The following NLGN4X variants were observed in gnomAD, a reference collection of about 807,000 sequenced individuals.
NLGN4X encodes the protein neuroligin-4, X-linked.
In NLGN4X, 3 loss-of-function variants were observed where a neutral mutation model predicts 40.3. The observed-to-expected ratio is 0.07, with a 90% CI of 0.03 to 0.19. NLGN4X has a LOEUF of 0.19. Ranked by LOEUF, NLGN4X falls within the 10% of genes least tolerant of loss-of-function variation. The probability of loss-of-function intolerance (pLI) is 1.00; values close to 1 mark genes in which losing one functional copy is unlikely to be tolerated. For missense variants in NLGN4X, 382 were observed against 708.3 expected, an observed-to-expected ratio of 0.54 and a Z score of 5.23; for synonymous variants, 270 against 306.8, an observed-to-expected ratio of 0.88 and a Z score of 1.25.
chrX:5,898,906 T>A (rs750539125), intron 5 of NLGN4X, among the ~76,000 whole-genome samples: 24 of 111,869 alleles, frequency 2.1e-4, no homozygotes, highest in South Asian at 7.6e-4. Flanking sequence ...GACCAGGGAA[T>A]CCTTCTCTGC....
At chrX:5,930,458 G>T (rs1414192089) in intron 3 of NLGN4X, among the ~76,000 whole-genome samples, 1 of 111,958 alleles carries the variant, frequency 8.9e-6, no homozygotes, top group Non-Finnish European at 1.9e-5. Flanking sequence ...ACCCCAGAAT[G>T]TGCCTTTCAC....
chrX:6,159,255 G>C (rs960427341), intron 1 of NLGN4X, among the ~76,000 whole-genome samples: 2 of 111,667 alleles, frequency 1.8e-5, no homozygotes, highest in African/African-American at 3.3e-5. Context: ...TGAAAGGTAG[G>C]AGAGAGGGAA....
At chrX:6,150,013 A>G (rs1602321667) in intron 2 of NLGN4X, among the ~76,000 whole-genome samples, 1 of 111,090 alleles carries the variant, frequency 9.0e-6, no homozygotes, top group East Asian at 2.8e-4. Flanking sequence ...GAAATTTATC[A>G]CACTTTCCAC....
At chrX:6,126,807 GAATA>G (rs2147603273) in intron 2 of NLGN4X, among the ~76,000 whole-genome samples, 1 of 111,842 alleles carries the variant, frequency 8.9e-6, no homozygotes, top group East Asian at 2.8e-4. Flanking sequence ...GTATATGAAA[GAATA>G]AATTCTACAA....
chrX:6,065,792 CTAAAT>C (rs969881686), intron 2 of NLGN4X, among the ~76,000 whole-genome samples: 1 of 111,400 alleles, frequency 9.0e-6, no homozygotes, highest in African/African-American at 3.3e-5. Context: ...TATTTGGTGC[CTAAAT>C]TTTCCTTCTG....
intron 3 of NLGN4X, among the ~76,000 whole-genome samples, chrX:5,916,697 G>A (rs926072713): frequency 9.0e-6 from 1 of 111,444 alleles, no homozygotes; most frequent in African/African-American, 3.3e-5. Context: ...TGATCCACCC[G>A]CCTCGGCCTC....
chrX:6,011,856 C>G (rs1158302790), intron 3 of NLGN4X, among the ~76,000 whole-genome samples: 1 of 110,920 alleles, frequency 9.0e-6, no homozygotes, highest in Non-Finnish European at 1.9e-5. Context: ...CACCATCTCA[C>G]AAATCTTGGG....
intron 3 of NLGN4X, among the ~76,000 whole-genome samples, chrX:5,946,792 A>C (rs897338498): frequency 5.4e-5 from 6 of 111,065 alleles, no homozygotes; most frequent in Non-Finnish European, 1.1e-4. Context: ...TACTAAGCCA[A>C]GTACTCAATA....
In NLGN4X at chrX:6,205,770, T is replaced by G. The variant is rs180747136; in HGVS notation, c.-306+22771A>C. 3.7e-4 allele frequency among the ~76,000 whole-genome samples: 42 copies of G among 112,275 alleles called. No homozygotes were observed. In the Admixed American group the frequency reaches 3.8e-3, roughly 10 times the overall value. On this transcript the variant is annotated intron_variant, in intron 1 of 5. Transcript: ENST00000381095. ...ATTATCTACCATAAATTACACACTGTGCTTTTAGGATACTACCTGACTTCT... is the reference window on the plus strand; with the variant it reads ...ATTATCTACCATAAATTACACACTGGGCTTTTAGGATACTACCTGACTTCT...
intron 2 of NLGN4X, among the ~76,000 whole-genome samples, chrX:6,037,103 T>C (rs892820604): frequency 9.0e-6 from 1 of 110,674 alleles, no homozygotes; most frequent in Non-Finnish European, 1.9e-5. Context: ...TCAGGAGTTC[T>C]GGAACAGACT....
At chrX:5,990,052 G>A (rs2035637592) in intron 3 of NLGN4X, among the ~76,000 whole-genome samples, 1 of 101,594 alleles carries the variant, frequency 9.8e-6, no homozygotes, top group African/African-American at 3.6e-5. Flanking sequence ...TGGTTGGGGG[G>A]ATTACATATC....
chrX:5,903,909 G>A (rs1234631520), intron 4 of NLGN4X, 43 bp from the exon 5 acceptor site: 2 of 1,197,585 alleles, frequency 1.7e-6, no homozygotes, highest in Middle Eastern at 2.3e-4. Context: ...AAACCCACAG[G>A]ACAGAAATGC....
intron 3 of NLGN4X, among the ~76,000 whole-genome samples, chrX:6,001,216 T>C (rs1206800425): frequency 9.0e-6 from 1 of 111,502 alleles, no homozygotes; most frequent in Non-Finnish European, 1.9e-5. Flanking sequence ...CAGTTCAAGA[T>C]GACATTTGGG....
Position 5,910,546 on chromosome X carries a change from G to A in NLGN4X, c.626-1307C>T, listed in dbSNP as rs748459694. 4.5e-5 allele frequency among the ~76,000 whole-genome samples: 5 copies of A among 111,056 alleles called. No individual in the cohort carries two copies. The East Asian group carries it at 1.1e-3, about 25-fold the overall frequency. On this transcript the variant is annotated intron_variant, in intron 3 of 5. Transcript: ENST00000381095. ...CATCAAACCAATTCCCTCAAAGCAC[G>A]TCCCTAACCAAAGTTGACGGCATTC...
chrX:5,999,855 C>A, intron 3 of NLGN4X, among the ~76,000 whole-genome samples: 1 of 112,032 alleles, frequency 8.9e-6, no homozygotes, highest in South Asian at 3.7e-4. Flanking sequence ...GAAGTAGGAG[C>A]AATATTGTTC....
intron 3 of NLGN4X, among the ~76,000 whole-genome samples, chrX:6,004,908 G>A (rs923709340): frequency 3.6e-5 from 4 of 111,669 alleles, no homozygotes; most frequent in African/African-American, 1.3e-4. Flanking sequence ...AGGGATAAAT[G>A]CAGCCCACTG....
intron 3 of NLGN4X, among the ~76,000 whole-genome samples, chrX:5,989,924 T>G (rs1227581150): frequency 9.0e-6 from 1 of 111,618 alleles, no homozygotes; most frequent in Non-Finnish European, 1.9e-5. Flanking sequence ...AATACAACTG[T>G]AACAATATAT....
intron 3 of NLGN4X, among the ~76,000 whole-genome samples, chrX:5,984,268 T>G (rs1489787007): frequency 9.0e-6 from 1 of 111,205 alleles, no homozygotes; most frequent in East Asian, 2.8e-4. Flanking sequence ...TTTGATGCAT[T>G]GGTTTAACCA....
At chrX:6,089,018 C>T (rs1293763536) in intron 2 of NLGN4X, among the ~76,000 whole-genome samples, 1 of 111,602 alleles carries the variant, frequency 9.0e-6, no homozygotes, top group East Asian at 2.8e-4. Context: ...AAATTAATAC[C>T]TGGGAAAATC....
Sources: allele counts gnomAD v4.1 joint callset (sites outside exome capture counted in the v4.1 genomes callset), GRCh38; gene constraint gnomAD v4.1.1; transcripts MANE v1.5; gene names NCBI Gene and HGNC (gene_info 2026-07-23, HGNC 2026-07-21).